The following MAPK4 variants were observed in gnomAD, a reference collection of about 807,000 sequenced individuals.
MAPK4 encodes the protein mitogen-activated protein kinase 4, also known as Erk3-related.
In MAPK4, 22 loss-of-function variants were observed where a neutral mutation model predicts 47.7. The ratio of observed to expected loss-of-function variants is 0.46; its 90% CI spans 0.33 to 0.66. The LOEUF is 0.66. Among genes scored for constraint, MAPK4 ranks in the 30% least tolerant of loss-of-function variants. The pLI, the probability that MAPK4 is intolerant of heterozygous loss-of-function variation, is 0.02. For synonymous variants in MAPK4, 390 were observed against 365.7 expected (o/e 1.07, Z -0.76); for missense variants, 736 against 831.7 (o/e 0.88, Z 1.42).
intron 2 of MAPK4, among the ~76,000 whole-genome samples, chr18:50,689,093 T>C (rs963079045): frequency 6.7e-6 from 1 of 148,650 alleles, no homozygotes; most frequent in Non-Finnish European, 1.5e-5. Context: ...ACCCCGTCTC[T>C]ACTAAAAATA....
At chr18:50,609,830 C>T (rs2042616712) in intron 1 of MAPK4, among the ~76,000 whole-genome samples, 2 of 152,134 alleles carry the variant, frequency 1.3e-5, no homozygotes, top group South Asian at 2.1e-4. Flanking sequence ...TCATATTGGT[C>T]TGTAGATATG....
At chr18:50,682,732 A>G (rs1217075045) in intron 2 of MAPK4, among the ~76,000 whole-genome samples, 2 of 152,238 alleles carry the variant, frequency 1.3e-5, no homozygotes, top group African/African-American at 2.4e-5. Flanking sequence ...TTTCACTTCT[A>G]TGTATTTACC....
intron 1 of MAPK4, among the ~76,000 whole-genome samples, chr18:50,580,680 G>A (rs1040831796): frequency 2.6e-5 from 4 of 152,178 alleles, no homozygotes; most frequent in African/African-American, 7.2e-5. Context: ...TCACTTAAGG[G>A]TGTTCTGCCT....
intron 1 of MAPK4, among the ~76,000 whole-genome samples, chr18:50,575,792 C>CAAAAAAAAAAAAAAAAA (rs540138636): frequency 4.3e-5 from 3 of 70,130 alleles, no homozygotes; most frequent in Non-Finnish European, 5.4e-5. Flanking sequence ...AATCAACAAG[C>CAAAAAAAAAAAAAAAAA]AAAAAAAAAA....
chr18:50,576,137 T>TC (rs1193258710), intron 1 of MAPK4, among the ~76,000 whole-genome samples: 1 of 32,328 alleles, frequency 3.1e-5, no homozygotes, highest in Admixed American at 4.3e-4. Flanking sequence ...ATCCTTTTTT[T>TC]TTGGGTATAT....
At chr18:50,573,745 G>A (rs967591725) in intron 1 of MAPK4, among the ~76,000 whole-genome samples, 4 of 152,274 alleles carry the variant, frequency 2.6e-5, no homozygotes, top group Non-Finnish European at 5.9e-5. Flanking sequence ...TCTGGTTTTT[G>A]TTAATCATCA....
At chr18:50,615,110 G>C (rs2042672608) in intron 1 of MAPK4, among the ~76,000 whole-genome samples, 1 of 152,172 alleles carries the variant, frequency 6.6e-6, no homozygotes, top group Non-Finnish European at 1.5e-5. Flanking sequence ...CACATAAGTG[G>C]ATGTTCAGGT....
At position 50,664,558 on chromosome 18, in the gene MAPK4, C is replaced by G; in HGVS notation, c.546+54C>G. The G allele has an allele frequency of 6.6e-7, 1 of 1,522,054 alleles. No homozygotes were observed. Among genetic ancestry groups the G allele is most frequent in the Non-Finnish European group, 8.9e-7 (1 of 1,126,168 alleles). The allele number at this position is 1,522,054 out of a possible 1,614,324, so 94.3% of individuals were successfully genotyped here. A position where few individuals can be genotyped will look rare whatever the true frequency, so the allele number is the denominator to read the frequency against. On this transcript the variant is annotated intron_variant, in intron 2 of 5. Transcript: ENST00000400384. The surrounding 1 kb of genome is among the most constrained non-coding windows in gnomAD (Gnocchi z 6.0). ...GTGGTCCACAGAATCCCCAAGAATA[C>G]TTGCAGCATTCCCAAGCTATTCCTA...
chr18:50,607,296 G>A (rs186990492), intron 1 of MAPK4, among the ~76,000 whole-genome samples: 2 of 152,250 alleles, frequency 1.3e-5, no homozygotes, highest in East Asian at 1.9e-4. Context: ...TGGAATTTTC[G>A]AGAGGTGAAT....
At chr18:50,595,450 C>T (rs1598807531) in intron 1 of MAPK4, among the ~76,000 whole-genome samples, 1 of 152,206 alleles carries the variant, frequency 6.6e-6, no homozygotes, top group East Asian at 1.9e-4. Context: ...ACATACCTTC[C>T]AAATGATTCT....
intron 1 of MAPK4, among the ~76,000 whole-genome samples, chr18:50,584,004 A>G (rs995163722): frequency 6.6e-6 from 1 of 152,222 alleles, no homozygotes; most frequent in Non-Finnish European, 1.5e-5. Context: ...CAAATGCTTC[A>G]GGGCATATTG....
intron 1 of MAPK4, among the ~76,000 whole-genome samples, chr18:50,619,730 A>G (rs1045316518): frequency 6.6e-6 from 1 of 152,364 alleles, no homozygotes; most frequent in African/African-American, 2.4e-5. Flanking sequence ...TTCTCAATTC[A>G]GAGAGCACAC....
chr18:50,562,638 G>A (rs536893245), intron 1 of MAPK4, among the ~76,000 whole-genome samples: 2 of 152,278 alleles, frequency 1.3e-5, no homozygotes, highest in East Asian at 1.9e-4. Flanking sequence ...TGATGAATCT[G>A]TTACTCTGAT....
In MAPK4 at chr18:50,616,083, C is replaced by CT. The variant is rs1411820222; in HGVS notation, c.-870-47003dup. On this transcript the variant is annotated intron_variant, in intron 1 of 5. Coordinates refer to ENST00000400384, the MANE Select transcript of MAPK4 (RefSeq NM_002747.4). ...TGTCACTTCAGGTGTCGGGGACTGG[C>CT]TTTGAACACTTCTTCCCTGTGTATT... Among the ~76,000 whole-genome samples, 9 of 152,178 alleles carry CT rather than the reference C, an allele frequency of 5.9e-5. 1 individual carries two copies. The highest frequency in any genetic ancestry group is 2.6e-4 in the Admixed American group (4 of 15,278).
chr18:50,670,795 T>C (rs1431623275), intron 2 of MAPK4, among the ~76,000 whole-genome samples: 2 of 150,324 alleles, frequency 1.3e-5, no homozygotes, highest in Non-Finnish European at 3.0e-5. Context: ...GTAGTGGTTC[T>C]CAAAGTGAGG....
chr18:50,637,087 G>T (rs774852772), intron 1 of MAPK4, among the ~76,000 whole-genome samples: 8 of 152,108 alleles, frequency 5.3e-5, no homozygotes, highest in Non-Finnish European at 8.8e-5. Context: ...CAGTTACCTG[G>T]TTTCATGCCC....
intron 1 of MAPK4, among the ~76,000 whole-genome samples, chr18:50,604,198 T>C (rs552314818): frequency 6.6e-6 from 1 of 152,278 alleles, no homozygotes; most frequent in South Asian, 2.1e-4. Context: ...AGGGTAACGG[T>C]TGATGTTTAT....
chr18:50,637,966 G>T (rs1009951526), intron 1 of MAPK4, among the ~76,000 whole-genome samples: 1 of 152,172 alleles, frequency 6.6e-6, no homozygotes, highest in Non-Finnish European at 1.5e-5. Flanking sequence ...GTTACTAGGG[G>T]TTAGGGCTTC....
Position 50,663,679 on chromosome 18 carries a change from G to T in MAPK4, c.-280G>T. 1 of 308,102 alleles carries T rather than the reference G, an allele frequency of 3.2e-6. No individual in the cohort carries two copies. Among genetic ancestry groups the T allele is most frequent in the Non-Finnish European group, 6.0e-6 (1 of 167,606 alleles). The allele number at this position is 308,102 out of a possible 1,614,324, so 19.1% of individuals were successfully genotyped here. On this transcript the variant is annotated 5_prime_UTR_variant, in exon 2 of 6. Transcript: ENST00000400384. ...TTAAAAGAAATATGAGCCATTCTAAGCTTTAAGAAGGGTTCAGGAAACACA... is the reference window on the plus strand; with the variant it reads ...TTAAAAGAAATATGAGCCATTCTAATCTTTAAGAAGGGTTCAGGAAACACA...
Sources: allele counts gnomAD v4.1 joint callset (sites outside exome capture counted in the v4.1 genomes callset), GRCh38; gene constraint gnomAD v4.1.1; non-coding constraint Gnocchi (gnomAD v3.1); transcripts MANE v1.5; gene names NCBI Gene and HGNC (gene_info 2026-07-23, HGNC 2026-07-21).